PTPRT: variants seen among roughly 807,000 people sequenced by gnomAD.
The protein encoded by PTPRT is receptor-type tyrosine-protein phosphatase T.
PTPRT carries 56 observed loss-of-function variants against 176.8 expected under a neutral mutation model. That is an observed-to-expected ratio of 0.32 (90% CI 0.26 to 0.40). PTPRT has a LOEUF of 0.40. Among genes scored for constraint, PTPRT ranks in the 10% least tolerant of loss-of-function variants. PTPRT has a pLI of 1.00. For missense variants in PTPRT, 1,540 were observed against 1,908.2 expected, an observed-to-expected ratio of 0.81 and a Z score of 3.60; for synonymous variants, 783 against 739.0, an observed-to-expected ratio of 1.06 and a Z score of -0.96.
chr20:42,096,860 G>A (rs6130033), intron 27 of PTPRT, among the ~76,000 whole-genome samples: 48,711 of 150,374 alleles, frequency 0.32, 7,996 homozygotes, highest in Admixed American at 0.38. Flanking sequence ...ACAGGCATGA[G>A]CCACCATGCC....
At chr20:43,081,570 G>T (rs10427448) in intron 1 of PTPRT, among the ~76,000 whole-genome samples, 2,826 of 152,006 alleles carry the variant, frequency 0.019, 96 homozygotes, top group African/African-American at 0.064. Flanking sequence ...AGAACATTTG[G>T]TTATTCTAAT....
At chr20:43,045,702 A>G (rs1398041041) in intron 1 of PTPRT, among the ~76,000 whole-genome samples, 2 of 150,850 alleles carry the variant, frequency 1.3e-5, no homozygotes, top group African/African-American at 4.9e-5. Context: ...GGCTCAATCA[A>G]TCCTCCTGCC....
At chr20:43,096,469 T>G (rs2146317332) in intron 1 of PTPRT, among the ~76,000 whole-genome samples, 1 of 152,314 alleles carries the variant, frequency 6.6e-6, no homozygotes, top group East Asian at 1.9e-4. Context: ...AAGTAAGGCC[T>G]AATCCTCATG....
chr20:42,560,029 A>G (rs767614586), intron 7 of PTPRT, among the ~76,000 whole-genome samples: 18 of 152,222 alleles, frequency 1.2e-4, no homozygotes, highest in Non-Finnish European at 2.2e-4. Flanking sequence ...GACAGCAAAC[A>G]TTAAAAGAGC....
At position 43,156,753 on chromosome 20, in the gene PTPRT, T is replaced by C. The variant is rs539601043; in HGVS notation, c.88+32893A>G. On this transcript the variant is annotated intron_variant, in intron 1 of 30. Coordinates refer to ENST00000373187, the MANE Select transcript of PTPRT (RefSeq NM_007050.6). ...GATCTCATCAGTTCCTCTTCAGTCATTGATCATCCAATGGAAAAATTTGCT... is the reference window on the plus strand; with the variant it reads ...GATCTCATCAGTTCCTCTTCAGTCACTGATCATCCAATGGAAAAATTTGCT... Among the ~76,000 whole-genome samples the C allele has an allele frequency of 5.9e-5, 9 of 152,294 alleles. No individual in the cohort carries two copies. The East Asian group carries it at 1.7e-3, about 29-fold the overall frequency.
the PTPRT span, among the ~76,000 whole-genome samples, chr20:42,038,146 T>G: frequency 6.6e-6 from 1 of 152,186 alleles, no homozygotes; most frequent in East Asian, 1.9e-4. Flanking sequence ...GAGTGCCTTT[T>G]GTGTGCCAGG....
chr20:42,304,602 T>G (rs1439485756), intron 12 of PTPRT, among the ~76,000 whole-genome samples: 1 of 152,160 alleles, frequency 6.6e-6, no homozygotes, highest in Non-Finnish European at 1.5e-5. Context: ...ATGCTAGACA[T>G]ATTAATCAAA....
chr20:42,174,171 T>C (rs1056481497), intron 16 of PTPRT, among the ~76,000 whole-genome samples: 1 of 152,158 alleles, frequency 6.6e-6, no homozygotes, highest in Non-Finnish European at 1.5e-5. Context: ...CATGTGACTA[T>C]GGCTTGTTAA....
At chr20:42,272,753 T>C (rs2056960600) in intron 13 of PTPRT, among the ~76,000 whole-genome samples, 1 of 151,688 alleles carries the variant, frequency 6.6e-6, no homozygotes, top group Non-Finnish European at 1.5e-5. Flanking sequence ...ACACATACAG[T>C]GGGGCTACAC....
intron 15 of PTPRT, among the ~76,000 whole-genome samples, chr20:42,216,358 A>G (rs998744058): frequency 6.6e-6 from 1 of 152,226 alleles, no homozygotes; most frequent in African/African-American, 2.4e-5. Context: ...AGGGCCTTAC[A>G]TAGATTTTGG....
In PTPRT at chr20:43,020,224, AAT is replaced by A. The variant is rs3030256; in HGVS notation, c.89-134294_89-134293del. On this transcript the variant is annotated intron_variant, in intron 1 of 30. Transcript: ENST00000373187. ...AATTATATATGATATTTAATTATGT[AAT>A]ATATATATATATATTTATGTTATAT... 3.7e-3 allele frequency among the ~76,000 whole-genome samples: 542 copies of A among 145,010 alleles called. 3 individuals are homozygous for A. Among genetic ancestry groups the A allele is most frequent in the African/African-American group, 0.012 (500 of 40,102 alleles).
In PTPRT at chr20:42,221,862, T is replaced by G. The variant is rs2079990706; in HGVS notation, c.2342+14367A>C. ...ACCACCAGATCTCACAATAACTCCC[T>G]CACTATCATGAGAATAGCATGGAGG... On this transcript the variant is annotated intron_variant, in intron 15 of 30. Coordinates refer to ENST00000373187, the MANE Select transcript of PTPRT (RefSeq NM_007050.6). Among the ~76,000 whole-genome samples the G allele has an allele frequency of 3.3e-5, 5 of 152,098 alleles. No individual in the cohort carries two copies. The South Asian group carries it at 1.0e-3, about 32-fold the overall frequency.
At chr20:42,149,121 C>A (rs1404657442) in intron 17 of PTPRT, among the ~76,000 whole-genome samples, 1 of 152,192 alleles carries the variant, frequency 6.6e-6, no homozygotes, top group African/African-American at 2.4e-5. Flanking sequence ...TGTGTCCCTG[C>A]TGATCTCTGG....
intron 2 of PTPRT, among the ~76,000 whole-genome samples, chr20:42,852,740 C>T (rs943160227): frequency 5.3e-5 from 8 of 152,182 alleles, no homozygotes; most frequent in Non-Finnish European, 1.0e-4. Context: ...TCTCATCTGA[C>T]CTATCAACAT....
chr20:42,051,720 G>A, the PTPRT span, among the ~76,000 whole-genome samples: 87 of 152,300 alleles, frequency 5.7e-4, no homozygotes, highest in African/African-American at 2.0e-3. Context: ...CACCATCTAC[G>A]TCAATCATTG....
At chr20:42,905,891 G>A (rs1254900441) in intron 1 of PTPRT, among the ~76,000 whole-genome samples, 3 of 144,006 alleles carry the variant, frequency 2.1e-5, no homozygotes, top group African/African-American at 7.7e-5. Context: ...CACAGAGCAG[G>A]GAACATCACA....
At chr20:42,508,127 T>TTGTGTGTGTGTGTGTGTG (rs57895943) in intron 7 of PTPRT, among the ~76,000 whole-genome samples, 1 of 146,612 alleles carries the variant, frequency 6.8e-6, no homozygotes, top group African/African-American at 2.6e-5. Flanking sequence ...ATTACCCTTT[T>TTGTGTGTGTGTGTGTGTG]TGTGTGTGTG....
intron 9 of PTPRT, among the ~76,000 whole-genome samples, chr20:42,383,881 G>A (rs916329): frequency 0.29 from 44,863 of 152,140 alleles, 7,502 homozygotes; most frequent in Admixed American, 0.39. Flanking sequence ...GGATTCTCCA[G>A]AAGAGAAAAA....
intron 7 of PTPRT, among the ~76,000 whole-genome samples, chr20:42,668,239 A>G (rs2075351079): frequency 6.6e-6 from 1 of 152,234 alleles, no homozygotes; most frequent in South Asian, 2.1e-4. Flanking sequence ...TGGCTCCCTA[A>G]GGAGCATGGA....
Sources: gnomAD v4.1 joint callset for allele counts (sites outside exome capture counted in the v4.1 genomes callset) on GRCh38, gnomAD v4.1.1 for gene constraint, MANE v1.5 for transcripts, NCBI Gene and HGNC (gene_info 2026-07-23, HGNC 2026-07-21) for gene names.